The following SH3GL3 variants were observed in gnomAD, a reference collection of about 807,000 sequenced individuals.
SH3GL3 encodes SH3 domain containing GRB2 like 3, endophilin A3.
Under a neutral mutation model 47.7 loss-of-function variants are expected in SH3GL3, and 33 were observed. The ratio of observed to expected loss-of-function variants is 0.69; its 90% CI spans 0.52 to 0.92. SH3GL3 has a LOEUF of 0.92. Among genes scored for constraint, SH3GL3 ranks in the 40% least tolerant of loss-of-function variants. SH3GL3 has a pLI of 0.00. For missense variants in SH3GL3, 363 were observed against 417.8 expected (o/e 0.87, Z 1.14); for synonymous variants, 155 against 148.8 (o/e 1.04, Z -0.30).
intron 1 of SH3GL3, among the ~76,000 whole-genome samples, chr15:83,507,507 T>C (rs2042564316): frequency 1.3e-5 from 2 of 151,808 alleles, no homozygotes; most frequent in Admixed American, 1.3e-4. Context: ...CCCTGCCTCC[T>C]GGGTTCAAGT....
chr15:83,597,466 C>T (rs2060263635), intron 8 of SH3GL3, among the ~76,000 whole-genome samples: 1 of 152,098 alleles, frequency 6.6e-6, no homozygotes, highest in African/African-American at 2.4e-5. Context: ...ATCTTTGAGG[C>T]TATTGCTCTG....
rs146062530 is a variant in SH3GL3 at position 83,477,569 on chromosome 15, G to A, written c.45+29991G>A. ...AAGGACTGTGGCCAGTTTTAGCCTCGGTTAACTTCAGTCAGTTTGTACAAT... is the reference window on the plus strand; with the variant it reads ...AAGGACTGTGGCCAGTTTTAGCCTCAGTTAACTTCAGTCAGTTTGTACAAT... On this transcript the variant is annotated intron_variant, in intron 1 of 8. Coordinates refer to ENST00000427482, the MANE Select transcript of SH3GL3 (RefSeq NM_003027.5). 3.3e-5 allele frequency among the ~76,000 whole-genome samples: 5 copies of A among 152,174 alleles called. No homozygotes were observed. The East Asian group carries it at 5.8e-4, about 18-fold the overall frequency.
intron 1 of SH3GL3, among the ~76,000 whole-genome samples, chr15:83,456,163 C>G (rs1236389674): frequency 9.6e-5 from 7 of 72,930 alleles, no homozygotes; most frequent in Admixed American, 3.8e-4. Flanking sequence ...GCAGTCTGCC[C>G]GTTCTCAGAT....
chr15:83,561,936 A>G (rs1420383109), intron 2 of SH3GL3, among the ~76,000 whole-genome samples: 2 of 152,068 alleles, frequency 1.3e-5, no homozygotes, highest in African/African-American at 4.8e-5. Flanking sequence ...TTCACAAAAA[A>G]TAATTTTTAC....
chr15:83,457,615 C>G (rs370490708), intron 1 of SH3GL3, among the ~76,000 whole-genome samples: 2 of 152,220 alleles, frequency 1.3e-5, no homozygotes, highest in Non-Finnish European at 2.9e-5. Context: ...TCTTGTTTCA[C>G]TATCTCATTA....
chr15:83,469,311 C>G (rs999380080), intron 1 of SH3GL3, among the ~76,000 whole-genome samples: 2 of 152,000 alleles, frequency 1.3e-5, no homozygotes, highest in African/African-American at 4.8e-5. Flanking sequence ...TTGTTCTTTT[C>G]AATTTCGTTG....
intron 1 of SH3GL3, among the ~76,000 whole-genome samples, chr15:83,508,647 A>C (rs184911038): frequency 2.0e-5 from 3 of 151,848 alleles, no homozygotes; most frequent in Non-Finnish European, 4.4e-5. Context: ...GCACGATCTC[A>C]GCTCACTGCA....
intron 1 of SH3GL3, among the ~76,000 whole-genome samples, chr15:83,488,578 T>A (rs918255445): frequency 6.6e-6 from 1 of 152,194 alleles, no homozygotes; most frequent in Non-Finnish European, 1.5e-5. Context: ...ACACTTTACT[T>A]TCATGCGGGG....
At chr15:83,475,907 G>A (rs1485759825) in intron 1 of SH3GL3, among the ~76,000 whole-genome samples, 1 of 152,136 alleles carries the variant, frequency 6.6e-6, no homozygotes, top group Non-Finnish European at 1.5e-5. Context: ...TAAATAATTA[G>A]GAGTAAGGAT....
At chr15:83,477,818 T>A (rs965773698) in intron 1 of SH3GL3, among the ~76,000 whole-genome samples, 3 of 152,170 alleles carry the variant, frequency 2.0e-5, no homozygotes, top group African/African-American at 7.2e-5. Context: ...GAAAAATTCT[T>A]TGGAGTTTGT....
At chr15:83,555,341 C>T (rs1306456985) in intron 1 of SH3GL3, among the ~76,000 whole-genome samples, 1 of 151,954 alleles carries the variant, frequency 6.6e-6, no homozygotes. Flanking sequence ...TTCATAAAAC[C>T]GTTTTCTCTA....
intron 6 of SH3GL3, among the ~76,000 whole-genome samples, chr15:83,586,489 A>G (rs988711864): frequency 9.2e-5 from 14 of 152,212 alleles, no homozygotes; most frequent in African/African-American, 3.4e-4. Flanking sequence ...GCCCCAGTTC[A>G]CATGTTGCTC....
At chr15:83,467,765 T>A (rs979181466) in intron 1 of SH3GL3, among the ~76,000 whole-genome samples, 8 of 152,210 alleles carry the variant, frequency 5.3e-5, no homozygotes, top group Admixed American at 1.3e-4. Context: ...TTTATTAAAT[T>A]TGTAGCTAAG....
chr15:83,531,799 G>A (rs552922935), intron 1 of SH3GL3, among the ~76,000 whole-genome samples: 1 of 152,166 alleles, frequency 6.6e-6, no homozygotes, highest in South Asian at 2.1e-4. Flanking sequence ...AGATGTTTGG[G>A]ATGTAGAGTG....
At chr15:83,587,155 G>GTCTCTCCA (rs2059978128) in intron 7 of SH3GL3, 69 bp downstream of exon 7, 3 of 803,314 alleles carry the variant, frequency 3.7e-6, no homozygotes, top group Non-Finnish European at 6.1e-6. Flanking sequence ...CCATCTGTCT[G>GTCTCTCCA]TCTCTCCATC....
chr15:83,507,571 C>T (rs1019613066), intron 1 of SH3GL3, among the ~76,000 whole-genome samples: 1 of 151,812 alleles, frequency 6.6e-6, no homozygotes, highest in African/African-American at 2.4e-5. Flanking sequence ...CATGTCACCA[C>T]GCCTGGCTAA....
intron 8 of SH3GL3, among the ~76,000 whole-genome samples, chr15:83,601,963 C>G (rs1252051548): frequency 7.1e-6 from 1 of 141,312 alleles, no homozygotes; most frequent in Non-Finnish European, 1.5e-5. Context: ...AAAAAAAAAA[C>G]AAAACATAAA....
intron 1 of SH3GL3, among the ~76,000 whole-genome samples, chr15:83,456,702 A>G (rs978798582): frequency 2.7e-5 from 4 of 145,522 alleles, no homozygotes; most frequent in East Asian, 4.2e-4. Context: ...GCCTGCGCCC[A>G]CTGTCTGGCA....
At chr15:83,538,627 A>T (rs960155426) in intron 1 of SH3GL3, among the ~76,000 whole-genome samples, 1 of 152,344 alleles carries the variant, frequency 6.6e-6, no homozygotes, top group East Asian at 1.9e-4. Flanking sequence ...ATGTAATTAG[A>T]CATAAATATA....
Sources: allele counts gnomAD v4.1 joint callset (sites outside exome capture counted in the v4.1 genomes callset), GRCh38; gene constraint gnomAD v4.1.1; transcripts MANE v1.5; gene names NCBI Gene and HGNC (gene_info 2026-07-23, HGNC 2026-07-21).